Variants in GALNT11 observed in about 807,000 individuals in gnomAD.
GALNT11 encodes UDP-GalNAc:polypeptide N-acetylgalactosaminyltransferase 11.
In GALNT11, 47 loss-of-function variants were observed where a neutral mutation model predicts 72.7. The observed-to-expected ratio is 0.65, with a 90% CI of 0.51 to 0.82. GALNT11 has a LOEUF of 0.82. GALNT11 is among the 40% of genes least tolerant of loss of function. GALNT11 has a pLI of 0.00. For synonymous variants in GALNT11, 270 were observed against 286.6 expected, an observed-to-expected ratio of 0.94 and a Z score of 0.58; for missense variants, 677 against 778.4, an observed-to-expected ratio of 0.87 and a Z score of 1.55.
At chr7:152,073,126 C>G (rs1195926805) in intron 1 of GALNT11, among the ~76,000 whole-genome samples, 1 of 152,184 alleles carries the variant, frequency 6.6e-6, no homozygotes, top group Non-Finnish European at 1.5e-5. Flanking sequence ...TCCATCATCT[C>G]ATACATTTAT....
intron 1 of GALNT11, among the ~76,000 whole-genome samples, chr7:152,071,761 C>T (rs1267208809): frequency 6.6e-6 from 1 of 152,120 alleles, no homozygotes; most frequent in Non-Finnish European, 1.5e-5. Context: ...TAATAAATGT[C>T]CATGAAATCT....
chr7:152,120,054 T>C (rs1195576809), intron 10 of GALNT11: 3 of 152,236 alleles, frequency 2.0e-5, no homozygotes, highest in Non-Finnish European at 4.4e-5. Context: ...GCTAACTTAG[T>C]TATGCTTATT....
At chr7:152,075,499 T>G (rs1190813452) in intron 1 of GALNT11, among the ~76,000 whole-genome samples, 1 of 152,228 alleles carries the variant, frequency 6.6e-6, no homozygotes, top group Non-Finnish European at 1.5e-5. Flanking sequence ...TCGCTTTCCT[T>G]AGAAAAGCTT....
Position 152,108,334 on chromosome 7 carries a change from A to G in GALNT11, c.962+47A>G, listed in dbSNP as rs111668528. 6.4e-4 allele frequency: 1,007 copies of G among 1,561,906 alleles called. 4 individuals are homozygous for G. The African/African-American group carries it at 6.9e-3, about 11-fold the overall frequency. On this transcript the variant is annotated intron_variant, in intron 6 of 11. Transcript: ENST00000430044. ...ACAAATTCCTACCAGTGCTTCCTTA[A>G]AAGAGAACAAAATGATATTAAAGAT...
chr7:152,115,110 C>T (rs969892086), intron 8 of GALNT11, among the ~76,000 whole-genome samples: 2 of 152,178 alleles, frequency 1.3e-5, no homozygotes, highest in African/African-American at 4.8e-5. Flanking sequence ...TAATTCCATG[C>T]TCATCTCTGA....
intron 1 of GALNT11, among the ~76,000 whole-genome samples, chr7:152,060,699 C>G (rs2083955948): frequency 6.6e-6 from 1 of 151,804 alleles, no homozygotes; most frequent in African/African-American, 2.4e-5. Flanking sequence ...GTTCAATTCC[C>G]ACCTATGAGT....
At chr7:152,100,412 A>C (rs2086777844) in intron 2 of GALNT11, among the ~76,000 whole-genome samples, 1 of 152,034 alleles carries the variant, frequency 6.6e-6, no homozygotes, top group Admixed American at 6.6e-5. Flanking sequence ...CTAAAAATAC[A>C]AAAATTAGCT....
intron 1 of GALNT11, among the ~76,000 whole-genome samples, chr7:152,087,419 G>A (rs1371649855): frequency 6.6e-6 from 1 of 152,178 alleles, no homozygotes; most frequent in Admixed American, 6.5e-5. Context: ...TAATTGAAAT[G>A]TTTGACCCAC....
chr7:152,097,740 G>A (rs1489057139), intron 2 of GALNT11, among the ~76,000 whole-genome samples: 2 of 152,194 alleles, frequency 1.3e-5, no homozygotes, highest in Non-Finnish European at 2.9e-5. Context: ...TGTGAAAGAA[G>A]CCACACACAA....
At chr7:152,089,523 G>A (rs998508715) in intron 1 of GALNT11, among the ~76,000 whole-genome samples, 54 of 152,314 alleles carry the variant, frequency 3.5e-4, no homozygotes, top group African/African-American at 1.2e-3. Context: ...GAGCCAGACC[G>A]CGCAATCTAA....
At chr7:152,110,384 C>A in intron 6 of GALNT11, 144 bp from the exon 7 acceptor site, 1 of 702,124 alleles carries the variant, frequency 1.4e-6, no homozygotes, top group Non-Finnish European at 2.5e-6. Flanking sequence ...CTGGCTCATT[C>A]TCTGATACTG....
chr7:152,079,086 A>G (rs1304373211), intron 1 of GALNT11, among the ~76,000 whole-genome samples: 3 of 152,218 alleles, frequency 2.0e-5, no homozygotes, highest in African/African-American at 7.2e-5. Context: ...CCCTTTAACT[A>G]ATACTACTAT....
chr7:152,073,710 C>A (rs901770878), intron 1 of GALNT11, among the ~76,000 whole-genome samples: 5 of 152,116 alleles, frequency 3.3e-5, no homozygotes, highest in African/African-American at 1.2e-4. Flanking sequence ...TTTTGAGGAG[C>A]CTCTATACTG....
At chr7:152,090,786 TCTC>T (rs947941204) in intron 1 of GALNT11, among the ~76,000 whole-genome samples, 3 of 152,106 alleles carry the variant, frequency 2.0e-5, no homozygotes, top group Admixed American at 6.5e-5. Flanking sequence ...CACACCTTCT[TCTC>T]CTCGTTGCTC....
In GALNT11 at chr7:152,103,141, T is replaced by C; in HGVS notation, c.449T>C (p.Leu150Pro). ...AAAGAAAAGTTCTACCCACCTGACC[T>C]GCCAGCTGCTAGTGTTGTTATCTGT... is the stretch of plus-strand genomic sequence containing the variant. ...ACKEKFYPPD[L>P]PAASVVICFY... Residue 150 changes from leucine to proline, a missense_variant, in exon 4 of 12, where the codon CTG becomes CCG. Physicochemically the swap from Leu to Pro is moderately conservative, Grantham distance 98. Transcript: ENST00000430044. 6.2e-7 allele frequency: 1 copy of C among 1,610,176 alleles called. No individual in the cohort carries two copies. Among genetic ancestry groups the C allele is most frequent in the Non-Finnish European group, 8.5e-7 (1 of 1,177,566 alleles).
At chr7:152,107,356 T>C (rs1321161729) in intron 5 of GALNT11, 1 of 152,022 alleles carries the variant, frequency 6.6e-6, no homozygotes, top group Non-Finnish European at 1.5e-5. Flanking sequence ...GTGTATCCCA[T>C]TGGCAGGTGA....
At chr7:152,089,662 C>T (rs1563064954) in intron 1 of GALNT11, among the ~76,000 whole-genome samples, 2 of 152,260 alleles carry the variant, frequency 1.3e-5, no homozygotes, top group East Asian at 1.9e-4. Context: ...GGAACGTGCC[C>T]GTGAGCATGT....
Position 152,094,480 on chromosome 7 carries a change from G to A in GALNT11, c.253G>A (p.Glu85Lys), listed in dbSNP as rs2086250488. 1 of 1,613,016 alleles carries A rather than the reference G, an allele frequency of 6.2e-7. No individual in the cohort carries two copies. Among genetic ancestry groups the A allele is most frequent in the East Asian group, 2.2e-5 (1 of 44,886 alleles). The part of the protein sequence containing the change: ...KIDDVIDSRV[E>K]DPEEGHLKFS... ...TGACGATGTGATAGACAGTCGTGTTGAAGATCCAGAAGAAGGCCACTTGAA... is the reference window on the plus strand; with the variant it reads ...TGACGATGTGATAGACAGTCGTGTTAAAGATCCAGAAGAAGGCCACTTGAA... The change falls in exon 2 of 12, where the codon GAA becomes AAA. Residue 85 changes from glutamate (E) to lysine (K), a missense_variant. Coordinates refer to ENST00000430044, the MANE Select transcript of GALNT11 (RefSeq NM_022087.4). This position sits in a 1 kb window ranked among gnomAD's most constrained non-coding sequence, Gnocchi z 4.3.
chr7:152,066,461 A>G (rs960521849), intron 1 of GALNT11, among the ~76,000 whole-genome samples: 2 of 149,910 alleles, frequency 1.3e-5, no homozygotes, highest in African/African-American at 5.1e-5. Context: ...CCACTGTCCA[A>G]CAAGCCCCAG....
Sources: gnomAD v4.1 joint callset for allele counts (sites outside exome capture counted in the v4.1 genomes callset) on GRCh38, gnomAD v4.1.1 for gene constraint, Gnocchi (gnomAD v3.1) non-coding constraint, MANE v1.5 for transcripts, NCBI Gene and HGNC (gene_info 2026-07-23, HGNC 2026-07-21) for gene names.